NAALADL2: variants seen among roughly 807,000 people sequenced by gnomAD.
NAALADL2 encodes the protein inactive N-acetylated-alpha-linked acidic dipeptidase-like protein 2.
NAALADL2 carries 76 observed loss-of-function variants against 87.2 expected under a neutral mutation model. The ratio of observed to expected loss-of-function variants is 0.87; its 90% CI spans 0.72 to 1.05. The LOEUF (loss-of-function observed/expected upper bound fraction) is 1.05, where lower values mean the gene tolerates loss of function less well. NAALADL2 is among the 50% of genes least tolerant of loss of function. The pLI, the probability that NAALADL2 is intolerant of heterozygous loss-of-function variation, is 0.00. For synonymous variants in NAALADL2, 354 were observed against 331.0 expected (o/e 1.07, Z -0.75); for missense variants, 1,089 against 945.8 (o/e 1.15, Z -1.99).
chr3:175,326,075 C>A (rs1760671404), intron 5 of NAALADL2, among the ~76,000 whole-genome samples: 1 of 152,186 alleles, frequency 6.6e-6, no homozygotes, highest in Admixed American at 6.5e-5. Flanking sequence ...TCAAAAGAAG[C>A]CATGTAGCAC....
intron 1 of NAALADL2, among the ~76,000 whole-genome samples, chr3:174,474,422 G>A (rs1024935162): frequency 1.3e-5 from 2 of 152,048 alleles, no homozygotes; most frequent in African/African-American, 4.8e-5. Context: ...TTTCAATGAA[G>A]AACTAAGTAT....
At chr3:175,276,360 C>T (rs369346420) in intron 4 of NAALADL2, among the ~76,000 whole-genome samples, 1 of 147,594 alleles carries the variant, frequency 6.8e-6, no homozygotes, top group South Asian at 2.1e-4. Context: ...AGTGCAGCAG[C>T]GTGATCTCAG....
At chr3:174,671,097 C>T (rs561578789) in intron 2 of NAALADL2, among the ~76,000 whole-genome samples, 1 of 152,062 alleles carries the variant, frequency 6.6e-6, no homozygotes, top group East Asian at 1.9e-4. Flanking sequence ...CAGATGCCAG[C>T]GTCATGCTTT....
intron 5 of NAALADL2, among the ~76,000 whole-genome samples, chr3:175,374,101 C>T (rs1016512307): frequency 3.3e-5 from 5 of 151,966 alleles, no homozygotes; most frequent in Admixed American, 6.6e-5. Context: ...GCCTGAATTT[C>T]ATTTTCTTTA....
At chr3:174,640,897 A>C (rs892160313) in intron 2 of NAALADL2, among the ~76,000 whole-genome samples, 1 of 152,168 alleles carries the variant, frequency 6.6e-6, no homozygotes, top group Non-Finnish European at 1.5e-5. Flanking sequence ...CCATGAAAAA[A>C]AGTCACCTGA....
At chr3:174,734,136 T>G (rs1334395222) in intron 2 of NAALADL2, among the ~76,000 whole-genome samples, 2 of 152,188 alleles carry the variant, frequency 1.3e-5, no homozygotes, top group Non-Finnish European at 2.9e-5. Flanking sequence ...TATCATTAAT[T>G]TCTTGCATAC....
At chr3:174,950,281 A>G (rs948526032) in intron 1 of NAALADL2, among the ~76,000 whole-genome samples, 3 of 152,064 alleles carry the variant, frequency 2.0e-5, no homozygotes, top group African/African-American at 7.2e-5. Context: ...GATTTTGGGA[A>G]TCTGCATCTC....
intron 2 of NAALADL2, among the ~76,000 whole-genome samples, chr3:174,571,540 C>G (rs923240752): frequency 6.6e-6 from 1 of 151,972 alleles, no homozygotes; most frequent in East Asian, 1.9e-4. Flanking sequence ...CCACCACACC[C>G]GGCTAATTTT....
chr3:175,684,853 T>G (rs1736058874), intron 11 of NAALADL2, among the ~76,000 whole-genome samples: 1 of 152,158 alleles, frequency 6.6e-6, no homozygotes, highest in Non-Finnish European at 1.5e-5. Context: ...GTACAAATCT[T>G]TGAGTAAAAT....
intron 5 of NAALADL2, among the ~76,000 whole-genome samples, chr3:175,349,860 C>T (rs1455131928): frequency 6.6e-6 from 1 of 152,064 alleles, no homozygotes; most frequent in Non-Finnish European, 1.5e-5. Flanking sequence ...CTTTCCCTCA[C>T]ATTAGAGAGA....
intron 2 of NAALADL2, among the ~76,000 whole-genome samples, chr3:174,698,965 G>A (rs993320848): frequency 8.1e-5 from 11 of 136,152 alleles, no homozygotes; most frequent in African/African-American, 2.5e-4. Context: ...GTGTGTGTGC[G>A]TGTATATATA....
chr3:175,093,429 T>TATATAA lies in NAALADL2; in HGVS notation c.44-3357_44-3356insAAATAT, dbSNP rs1553771435. Among the ~76,000 whole-genome samples, 735 of 146,102 alleles carry TATATAA rather than the reference T, an allele frequency of 5.0e-3. 6 individuals carry two copies. Among genetic ancestry groups the TATATAA allele is most frequent in the African/African-American group, 0.017 (704 of 40,432 alleles). On this transcript the variant is annotated intron_variant, in intron 1 of 13. Coordinates refer to ENST00000454872, the MANE Select transcript of NAALADL2 (RefSeq NM_207015.3). ...CATTTTATTTTTTTATATATATATATATATGTTTTAAGTGAAGCAAACAAA... is the reference window on the plus strand; with the variant it reads ...CATTTTATTTTTTTATATATATATATATATAAATATGTTTTAAGTGAAGCAAACAAA...
At chr3:175,777,645 T>C (rs1008649035) in intron 13 of NAALADL2, among the ~76,000 whole-genome samples, 1 of 152,152 alleles carries the variant, frequency 6.6e-6, no homozygotes, top group East Asian at 1.9e-4. Flanking sequence ...ACTAGTGCTA[T>C]GATAAAACCA....
At chr3:175,627,269 T>C in intron 10 of NAALADL2, 22 bp from the exon 11 acceptor site, 1 of 1,522,912 alleles carries the variant, frequency 6.6e-7, no homozygotes, top group Non-Finnish European at 8.9e-7. Context: ...GTTTTAAATG[T>C]TTCTTTTTTG....
At chr3:175,083,894 C>T (rs1217224847) in intron 1 of NAALADL2, among the ~76,000 whole-genome samples, 1 of 152,136 alleles carries the variant, frequency 6.6e-6, no homozygotes, top group African/African-American at 2.4e-5. Context: ...GTTCCAGATA[C>T]AGCGCTAAGC....
intron 13 of NAALADL2, among the ~76,000 whole-genome samples, chr3:175,793,826 G>A (rs1467840180): frequency 6.6e-6 from 1 of 152,136 alleles, no homozygotes; most frequent in East Asian, 1.9e-4. Context: ...CTAACACAGT[G>A]ACTTACTCAT....
At chr3:175,655,574 T>G in intron 11 of NAALADL2, 1 of 235,984 alleles carries the variant, frequency 4.2e-6, no homozygotes, top group South Asian at 4.1e-5. Flanking sequence ...ACAAAGTCAC[T>G]GTTGAAAATC....
At chr3:175,720,652 A>C (rs148867652) in intron 11 of NAALADL2, among the ~76,000 whole-genome samples, 1 of 151,638 alleles carries the variant, frequency 6.6e-6, no homozygotes, top group Admixed American at 6.6e-5. Flanking sequence ...CCCACATCTA[A>C]AAAAAAATTG....
intron 2 of NAALADL2, among the ~76,000 whole-genome samples, chr3:174,699,399 G>A (rs56204620): frequency 1.0e-5 from 1 of 95,356 alleles, no homozygotes; most frequent in Non-Finnish European, 1.8e-5. Context: ...GGCTGAGGCA[G>A]GGGAGAATCC....
Sources: allele counts gnomAD v4.1 joint callset (sites outside exome capture counted in the v4.1 genomes callset), GRCh38; gene constraint gnomAD v4.1.1; transcripts MANE v1.5; gene names NCBI Gene and HGNC (gene_info 2026-07-23, HGNC 2026-07-21).